COL5A2: variants seen among roughly 807,000 people sequenced by gnomAD.
The protein encoded by COL5A2 is collagen type V alpha 2 chain, also known as collagen alpha-2(V) chain.
Under a neutral mutation model 208.2 loss-of-function variants are expected in COL5A2, and 23 were observed. The observed-to-expected ratio is 0.11, with a 90% CI of 0.08 to 0.16. The LOEUF (loss-of-function observed/expected upper bound fraction) is 0.16, where lower values mean the gene tolerates loss of function less well. Ranked by LOEUF, COL5A2 falls within the 10% of genes least tolerant of loss-of-function variation. The probability of loss-of-function intolerance (pLI) is 1.00; values close to 1 mark genes in which losing one functional copy is unlikely to be tolerated. For synonymous variants in COL5A2, 625 were observed against 628.5 expected, an observed-to-expected ratio of 0.99 and a Z score of 0.08; for missense variants, 1,590 against 1,956.4, an observed-to-expected ratio of 0.81 and a Z score of 3.53.
rs1685415813 is a variant in COL5A2, at chr2:189,035,047, T to C, written c.4222A>G (p.Ser1408Gly). 6.2e-7 allele frequency: 1 copy of C among 1,613,804 alleles called. No homozygotes were observed. Among genetic ancestry groups the C allele is most frequent in the African/African-American group, 1.3e-5 (1 of 74,894 alleles). ...SQNITYICKN[S>G]VGYMDDQAKN... ...GCTTGATCGTCCATGTATCCTACACTGTTTTTACAGATGTAAGTGATGTTC... is the reference window on the plus strand; with the variant it reads ...GCTTGATCGTCCATGTATCCTACACCGTTTTTACAGATGTAAGTGATGTTC... Residue 1408 changes from serine to glycine, a missense_variant, in exon 53 of 54, where the codon AGT becomes GGT. By Grantham distance (56) the Ser-to-Gly change is moderately conservative. Coordinates refer to ENST00000374866, the MANE Select transcript of COL5A2 (RefSeq NM_000393.5).
the COL5A2 span, among the ~76,000 whole-genome samples, chr2:189,291,093 T>A: frequency 6.6e-6 from 1 of 152,270 alleles, no homozygotes; most frequent in South Asian, 2.1e-4. Flanking sequence ...AATATTTAAC[T>A]AATACATTTA....
the COL5A2 span, among the ~76,000 whole-genome samples, chr2:189,396,706 G>A: frequency 3.5e-4 from 50 of 142,230 alleles, no homozygotes; most frequent in African/African-American, 1.3e-3. Flanking sequence ...AAATGAGGCC[G>A]GGCGCGGTGG....
rs1354785209 is a variant in COL5A2, at chr2:189,050,627, A to G, written c.2981T>C (p.Ile994Thr). ...GPAGTTGQRG[I>T]VGMPGQRGER... ...TCCACGTTGCCCAGGCATGCCAACA[A>G]TTCCTCTCTGCCCGGTCGTTCCAGC... The change falls in exon 43 of 54, where the codon ATT becomes ACT. Residue 994 changes from isoleucine (I) to threonine (T), a missense_variant. Transcript: ENST00000374866. 10 of 1,552,630 alleles carry G rather than the reference A, an allele frequency of 6.4e-6. No individual in the cohort carries two copies. The highest frequency in any genetic ancestry group is 8.7e-6 in the Non-Finnish European group (10 of 1,147,462).
At chr2:189,406,871 A>G in the COL5A2 span, among the ~76,000 whole-genome samples, 1 of 152,100 alleles carries the variant, frequency 6.6e-6, no homozygotes, top group Admixed American at 6.6e-5. Flanking sequence ...GCACTGAGAG[A>G]GATGGAGATG....
intron 1 of COL5A2, among the ~76,000 whole-genome samples, chr2:189,114,777 T>A (rs2105722460): frequency 6.6e-6 from 1 of 152,114 alleles, no homozygotes; most frequent in Non-Finnish European, 1.5e-5. Context: ...GGTGATGGGC[T>A]GATGGGTGCA....
intron 1 of COL5A2, among the ~76,000 whole-genome samples, chr2:189,206,149 T>C (rs925731414): frequency 6.6e-6 from 1 of 152,216 alleles, no homozygotes; most frequent in East Asian, 1.9e-4. Context: ...ATAGAAAGGA[T>C]GTGTAGTTAG....
intron 1 of COL5A2, among the ~76,000 whole-genome samples, chr2:189,177,896 T>C (rs1210648128): frequency 2.0e-5 from 3 of 152,200 alleles, no homozygotes; most frequent in Non-Finnish European, 4.4e-5. Flanking sequence ...CCATACTTTA[T>C]TAAAGTACTT....
At chr2:189,383,833 A>C in the COL5A2 span, among the ~76,000 whole-genome samples, 1 of 152,066 alleles carries the variant, frequency 6.6e-6, no homozygotes, top group Admixed American at 6.6e-5. Context: ...GCCCTATTGC[A>C]CTACCAAACA....
At position 189,042,781 on chromosome 2, in the gene COL5A2, G is replaced by T; in HGVS notation, c.3472-8C>A. 6.2e-7 allele frequency: 1 copy of T among 1,602,444 alleles called. No individual in the cohort carries two copies. Among genetic ancestry groups the T allele is most frequent in the Non-Finnish European group, 8.5e-7 (1 of 1,172,856 alleles). ...TTGTTCACCATTTGGACCCTAAGTA[G>T]GAATACAATAAAAAATGTTGCCAAA... On this transcript the variant is annotated splice_polypyrimidine_tract_variant and splice_region_variant and intron_variant, in intron 48 of 53. Transcript: ENST00000374866.
intron 1 of COL5A2, among the ~76,000 whole-genome samples, chr2:189,199,897 GCATCAACAGA>G (rs1419239568): frequency 2.0e-5 from 3 of 152,270 alleles, no homozygotes; most frequent in African/African-American, 7.2e-5. Flanking sequence ...ATTACAGGTT[GCATCAACAGA>G]CACTCTTGTC....
Position 189,097,988 on chromosome 2 carries a change from T to C in COL5A2, c.403-658A>G, listed in dbSNP as rs573568428. 2.0e-5 allele frequency among the ~76,000 whole-genome samples: 3 copies of C among 152,294 alleles called. No individual in the cohort carries two copies. In the South Asian group the frequency reaches 6.2e-4, roughly 32 times the overall value. ...TTTTCCCTTAAATAACAAATGACTA[T>C]TATATTTCAAAAGTGGTGTTATTGT... On this transcript the variant is annotated intron_variant, in intron 5 of 53. Coordinates refer to ENST00000374866, the MANE Select transcript of COL5A2 (RefSeq NM_000393.5).
chr2:189,326,418 G>A, the COL5A2 span, among the ~76,000 whole-genome samples: 5 of 152,150 alleles, frequency 3.3e-5, 1 homozygote, highest in African/African-American at 4.8e-5. Context: ...ATTTAGGTCA[G>A]GTGTAATGGT....
In COL5A2 at chr2:189,032,220, A is replaced by G. The variant is rs1685349413; in HGVS notation, c.*1850T>C. 6.6e-6 allele frequency: 1 copy of G among 152,138 alleles called. No homozygotes were observed. Among genetic ancestry groups the G allele is most frequent in the Admixed American group, 6.6e-5 (1 of 15,254 alleles). The allele number at this position is 152,138 out of a possible 1,614,324, so 9.4% of individuals were successfully genotyped here. A position where few individuals can be genotyped will look rare whatever the true frequency, so the allele number is the denominator to read the frequency against. On this transcript the variant is annotated 3_prime_UTR_variant, in exon 54 of 54. Transcript: ENST00000374866. ...TCATATGTGATACACTTTGAGACATATGTTTTATTATTACAGTTTATTCAG... is the reference window on the plus strand; with the variant it reads ...TCATATGTGATACACTTTGAGACATGTGTTTTATTATTACAGTTTATTCAG...
chr2:189,292,497 G>GA, the COL5A2 span, among the ~76,000 whole-genome samples: 1 of 152,088 alleles, frequency 6.6e-6, no homozygotes, highest in Non-Finnish European at 1.5e-5. Context: ...AAAAACACAT[G>GA]AAAAAATGCT....
At chr2:189,041,518 A>G in intron 50 of COL5A2, 68 bp downstream of exon 50, 1 of 1,281,448 alleles carries the variant, frequency 7.8e-7, no homozygotes, top group Non-Finnish European at 1.1e-6. Flanking sequence ...CTGCACAGAC[A>G]TTTCTTGGAC....
chr2:189,183,403 G>T (rs1688807515), upstream of COL5A2, among the ~76,000 whole-genome samples: 1 of 152,020 alleles, frequency 6.6e-6, no homozygotes, highest in African/African-American at 2.4e-5. Flanking sequence ...TTGACTTGGG[G>T]TATATTAACT....
chr2:189,370,453 A>G, the COL5A2 span, among the ~76,000 whole-genome samples: 1 of 152,198 alleles, frequency 6.6e-6, no homozygotes, highest in Non-Finnish European at 1.5e-5. Flanking sequence ...TAAACTTGTC[A>G]TAACAGCAAC....
chr2:189,114,028 T>G (rs1485493549), intron 1 of COL5A2, among the ~76,000 whole-genome samples: 1 of 152,132 alleles, frequency 6.6e-6, no homozygotes, highest in Non-Finnish European at 1.5e-5. Context: ...GGCCACTGGA[T>G]TACTTTCTTT....
chr2:189,066,773 C>T lies in COL5A2; in HGVS notation c.1411G>A (p.Gly471Arg). The change falls in exon 22 of 54, where the codon GGA becomes AGA. Residue 471 changes from glycine to arginine, a missense_variant. Coordinates refer to ENST00000374866, the MANE Select transcript of COL5A2 (RefSeq NM_000393.5). ...QGIRGQPGDPGVPGFKGEAGP... is the reference protein window; with the variant it reads ...QGIRGQPGDPRVPGFKGEAGP... ...GCTTCTCCTTTGAAACCTGGAACTC[C>T]TGGATCACCCTGAAAAAAATATATT... The T allele has an allele frequency of 6.2e-7, 1 of 1,613,012 alleles. No individual in the cohort carries two copies. The highest frequency in any genetic ancestry group is 8.5e-7 in the Non-Finnish European group (1 of 1,179,072).
Sources: allele counts gnomAD v4.1 joint callset (sites outside exome capture counted in the v4.1 genomes callset), GRCh38; gene constraint gnomAD v4.1.1; transcripts MANE v1.5; gene names NCBI Gene and HGNC (gene_info 2026-07-23, HGNC 2026-07-21).